The following PITHD1 variants were observed in gnomAD, a reference collection of about 807,000 sequenced individuals.
PITHD1 encodes PITH domain-containing protein 1.
In PITHD1, 8 loss-of-function variants were observed where a neutral mutation model predicts 27.5. The observed-to-expected ratio is 0.29, with a 90% CI of 0.17 to 0.52. The LOEUF (loss-of-function observed/expected upper bound fraction) is 0.52. PITHD1 is among the 20% of genes least tolerant of loss of function. PITHD1 has a pLI of 0.96. For missense variants in PITHD1, 233 were observed against 283.9 expected, an observed-to-expected ratio of 0.82 and a Z score of 1.29; for synonymous variants, 118 against 106.8, an observed-to-expected ratio of 1.10 and a Z score of -0.64.
Position 23,779,879 on chromosome 1 carries a change from C to CA in PITHD1, c.260dup (p.Leu88AlafsTer11). 1 of 1,613,330 alleles carries CA rather than the reference C, an allele frequency of 6.2e-7. No individual in the cohort carries two copies. Among genetic ancestry groups the CA allele is most frequent in the Non-Finnish European group, 8.5e-7 (1 of 1,179,322 alleles). The stretch of plus-strand genomic sequence containing the variant: ...ATTCTGGCAGATTTACGGGCAATGT[C>CA]AAGCTCAAAGGCATCATTATAATGG... On this transcript the variant is annotated frameshift_variant, in exon 3 of 6. Coordinates refer to ENST00000246151, the MANE Select transcript of PITHD1 (RefSeq NM_020362.5). LOFTEE classifies it high-confidence loss of function.
rs1638563760 is a variant in PITHD1 at position 23,779,492 on chromosome 1, C to T, written c.242+11C>T. ...TCTGTTTAATATTCCGTAAGTATCT[C>T]CTTGGTGCCTACCTCAGGCTAAATA... On this transcript the variant is annotated intron_variant, in intron 2 of 5. Coordinates refer to ENST00000246151, the MANE Select transcript of PITHD1 (RefSeq NM_020362.5). 1 of 1,604,532 alleles carries T rather than the reference C, an allele frequency of 6.2e-7. No homozygotes were observed. Among genetic ancestry groups the T allele is most frequent in the East Asian group, 2.2e-5 (1 of 44,828 alleles).
chr1:23,782,344 G>A (rs1260947459), intron 3 of PITHD1, among the ~76,000 whole-genome samples: 4 of 151,872 alleles, frequency 2.6e-5, no homozygotes, highest in Non-Finnish European at 5.9e-5. Flanking sequence ...ACTTGAACCC[G>A]GGAGGCGGAG....
intron 3 of PITHD1, among the ~76,000 whole-genome samples, chr1:23,783,347 A>G (rs1216663683): frequency 1.3e-5 from 2 of 149,668 alleles, no homozygotes; most frequent in African/African-American, 4.9e-5. Context: ...GTGTATATAT[A>G]CATATATACG....
In PITHD1 at chr1:23,785,736, A is replaced by G; in HGVS notation, c.382A>G (p.Ser128Gly). The G allele has an allele frequency of 1.9e-6, 3 of 1,609,564 alleles. No homozygotes were observed. The highest frequency in any genetic ancestry group is 2.6e-6 in the Non-Finnish European group (3 of 1,175,874). The change falls in exon 4 of 6, where the codon AGT becomes GGT. Residue 128 changes from serine to glycine, a missense_variant. Transcript: ENST00000246151. ...DTEREPDQTF[S>G]LNRDLTGELE... ...AGAAAGGGAGCCAGATCAGACCTTT[A>G]GTCTGAACCGGGATCTTACAGGAGA... is the stretch of plus-strand genomic sequence containing the variant.
chr1:23,780,615 C>T (rs1299416930), intron 3 of PITHD1, among the ~76,000 whole-genome samples: 2 of 152,166 alleles, frequency 1.3e-5, no homozygotes, highest in African/African-American at 4.8e-5. Flanking sequence ...GGCACAGTGG[C>T]TTACACTTGT....
intron 3 of PITHD1, 101 bp downstream of exon 3, chr1:23,780,042 T>G: frequency 1.3e-6 from 1 of 760,864 alleles, no homozygotes; most frequent in Non-Finnish European, 2.3e-6. Flanking sequence ...CCGGGTTTAA[T>G]ATTTCCCCTT....
At chr1:23,779,634 T>G in intron 2 of PITHD1, 153 bp downstream of exon 2, 1 of 701,560 alleles carries the variant, frequency 1.4e-6, no homozygotes, top group African/African-American at 1.8e-5. Flanking sequence ...CATAGCTTTC[T>G]TGGTGCAGAC....
chr1:23,781,060 C>A (rs190213496), intron 3 of PITHD1, among the ~76,000 whole-genome samples: 5 of 148,640 alleles, frequency 3.4e-5, no homozygotes, highest in Admixed American at 3.4e-4. Context: ...TGGTGGCACA[C>A]GCCTGTAATC....
intron 3 of PITHD1, among the ~76,000 whole-genome samples, chr1:23,784,795 C>T (rs1039059191): frequency 6.6e-6 from 1 of 152,108 alleles, no homozygotes; most frequent in Non-Finnish European, 1.5e-5. Context: ...TGGCTCATTG[C>T]ACCCTCTCTA....
Position 23,785,655 on chromosome 1 carries a change from T to TCTTTCCTTTC in PITHD1, c.321-14_321-5dup. The TCTTTCCTTTC allele has an allele frequency of 6.7e-7, 1 of 1,493,898 alleles. No individual in the cohort carries two copies. Among genetic ancestry groups the TCTTTCCTTTC allele is most frequent in the African/African-American group, 1.4e-5 (1 of 72,628 alleles). The allele number at this position is 1,493,898 out of a possible 1,614,324, so 92.5% of individuals were successfully genotyped here. On this transcript the variant is annotated intron_variant, in intron 3 of 5. Transcript: ENST00000246151. The stretch of plus-strand genomic sequence containing the variant: ...GTGATAATGCACATTTCTTGACTTT[T>TCTTTCCTTTC]CTTTCCTTTCCTTTCTCAGGTACAA...
In PITHD1 at chr1:23,779,491, T is replaced by C. The variant is rs762470023; in HGVS notation, c.242+10T>C. 5 of 1,606,230 alleles carry C rather than the reference T, an allele frequency of 3.1e-6. No homozygotes were observed. The Admixed American group carries it at 8.3e-5, about 27-fold the overall frequency. ...TTCTGTTTAATATTCCGTAAGTATC[T>C]CCTTGGTGCCTACCTCAGGCTAAAT... is the stretch of plus-strand genomic sequence containing the variant. On this transcript the variant is annotated intron_variant, in intron 2 of 5. Coordinates refer to ENST00000246151, the MANE Select transcript of PITHD1 (RefSeq NM_020362.5).
chr1:23,778,560 C>A lies in PITHD1; in HGVS notation c.45C>A (p.Ala15=). Residue 15 remains alanine (A), a synonymous_variant, in exon 1 of 6, where the codon GCC becomes GCA. Coordinates refer to ENST00000246151, the MANE Select transcript of PITHD1 (RefSeq NM_020362.5). ...ACGGCGGGGGTGGCTGCCGCTGCGC[C>A]GCCGAACGGGAGGAGCCGCCCGAGC... ...HSHGGGGCRC[A]AEREEPPEQR... The A allele has an allele frequency of 7.5e-7, 1 of 1,341,700 alleles. No homozygotes were observed. Among genetic ancestry groups the A allele is most frequent in the South Asian group, 1.9e-5 (1 of 52,784 alleles). The allele number at this position is 1,341,700 out of a possible 1,614,324, so 83.1% of individuals were successfully genotyped here. A position where few individuals can be genotyped will look rare whatever the true frequency, so the allele number is the denominator to read the frequency against.
chr1:23,783,364 T>C (rs557198184), intron 3 of PITHD1, among the ~76,000 whole-genome samples: 1 of 139,694 alleles, frequency 7.2e-6, no homozygotes, highest in East Asian at 2.0e-4. Context: ...TACGCATATA[T>C]ATATACACAT....
intron 2 of PITHD1, 140 bp from the exon 3 acceptor site, chr1:23,779,724 A>G (rs1570609240): frequency 1.4e-6 from 1 of 700,812 alleles, no homozygotes; most frequent in Non-Finnish European, 2.6e-6. Flanking sequence ...AGAGGTAGAC[A>G]GGATCTTAGA....
At chr1:23,783,987 A>G (rs1003752663) in intron 3 of PITHD1, among the ~76,000 whole-genome samples, 3 of 152,158 alleles carry the variant, frequency 2.0e-5, no homozygotes, top group Non-Finnish European at 4.4e-5. Flanking sequence ...TCATCTCCAT[A>G]CCAACCGTGT....
Position 23,786,206 on chromosome 1 carries a change from A to C in PITHD1, c.426-109A>C, listed in dbSNP as rs2473381. On this transcript the variant is annotated intron_variant, in intron 4 of 5. Transcript: ENST00000246151. ...GAGAAGGAAGAACTCAGGAGCTCTG[A>C]CTTTGCCTGGCTTTTACAAGCTGGA... The C allele has an allele frequency of 7.1e-3, 3,990 of 562,694 alleles. 114 individuals are homozygous for C. The highest frequency in any genetic ancestry group is 0.066 in the African/African-American group (3,528 of 53,400). 34.9% of individuals were successfully genotyped at this position (562,694 alleles called of 1,614,324 possible).
rs751848140 is a variant in PITHD1, at chr1:23,785,741, G to A, written c.387G>A (p.Leu129=). 4.3e-6 allele frequency: 7 copies of A among 1,609,310 alleles called. No individual in the cohort carries two copies. Among genetic ancestry groups the A allele is most frequent in the Non-Finnish European group, 6.0e-6 (7 of 1,175,650 alleles). ...GGGAGCCAGATCAGACCTTTAGTCT[G>A]AACCGGGATCTTACAGGAGAATTAG... ...TEREPDQTFS[L]NRDLTGELEY... The change falls in exon 4 of 6, where the codon CTG becomes CTA. Residue 129 remains leucine (L), a synonymous_variant. Coordinates refer to ENST00000246151, the MANE Select transcript of PITHD1 (RefSeq NM_020362.5).
intron 3 of PITHD1, among the ~76,000 whole-genome samples, chr1:23,783,287 A>G (rs551573819): frequency 8.5e-4 from 129 of 150,882 alleles, no homozygotes; most frequent in African/African-American, 2.6e-3. Context: ...ACATGTGTGT[A>G]TATATATATG....
At chr1:23,778,807 G>T (rs1638550484) in intron 1 of PITHD1, 94 bp downstream of exon 1, 1 of 756,138 alleles carries the variant, frequency 1.3e-6, no homozygotes, top group East Asian at 3.4e-5. Context: ...AATAACGACA[G>T]CCTGGTTGCC....
Sources: gnomAD v4.1 joint callset for allele counts (sites outside exome capture counted in the v4.1 genomes callset) on GRCh38, gnomAD v4.1.1 for gene constraint, MANE v1.5 for transcripts, NCBI Gene and HGNC (gene_info 2026-07-23, HGNC 2026-07-21) for gene names.